The following NBPF11 variants were observed in gnomAD, a reference collection of about 807,000 sequenced individuals.
NBPF11 encodes NBPF member 11.
In NBPF11, 72 loss-of-function variants were observed where a neutral mutation model predicts 93.9. That is an observed-to-expected ratio of 0.77 (90% CI 0.63 to 0.93). NBPF11 has a LOEUF of 0.93. NBPF11 is among the 40% of genes least tolerant of loss of function. NBPF11 has a pLI of 0.00. For synonymous variants in NBPF11, 224 were observed against 304.9 expected, an observed-to-expected ratio of 0.73 and a Z score of 2.76; for missense variants, 705 against 802.2, an observed-to-expected ratio of 0.88 and a Z score of 1.46.
rs1330605689 is a variant in NBPF11 at position 148,149,813 on chromosome 1, G to A, written c.-549+1937C>T. 1.7e-3 allele frequency among the ~76,000 whole-genome samples: 261 copies of A among 151,630 alleles called. 3 individuals carry two copies. The highest frequency in any genetic ancestry group is 6.1e-3 in the African/African-American group (250 of 41,198). ...TAAAAAAAAAAAAAAGATTTAACAG[G>A]CACTTCATAAAAGAGGACATATAAA... On this transcript the variant is annotated intron_variant, in intron 1 of 23. Transcript: ENST00000682118.
intron 1 of NBPF11, among the ~76,000 whole-genome samples, chr1:148,145,201 C>CTT (rs1190949525): frequency 2.1e-3 from 155 of 75,574 alleles, no homozygotes; most frequent in East Asian, 0.016. Flanking sequence ...TTTTTTCTTT[C>CTT]TTTTTTTTTT....
At chr1:148,118,868 T>G in intron 10 of NBPF11, 146 bp from the exon 11 acceptor site, 2 of 727,628 alleles carry the variant, frequency 2.7e-6, no homozygotes, top group Non-Finnish European at 2.3e-6. Context: ...GTCTTTACTC[T>G]TCAGTCTCCT....
intron 5 of NBPF11, among the ~76,000 whole-genome samples, chr1:148,125,856 G>T (rs1420332112): frequency 2.6e-5 from 4 of 151,940 alleles, no homozygotes; most frequent in Non-Finnish European, 4.4e-5. Flanking sequence ...GAGGGTCCCT[G>T]CTTTGCACAC....
rs1220515332 is a variant in NBPF11, at chr1:148,122,588, T to G, written c.566+141A>C. Reference sequence around the variant, plus strand: ...GAAACACAACAGCTGCCGCACCCTGTGTCTAAGCTGGGTTGAATTTCACAT... The same window carrying G: ...GAAACACAACAGCTGCCGCACCCTGGGTCTAAGCTGGGTTGAATTTCACAT... On this transcript the variant is annotated intron_variant, in intron 8 of 23. Coordinates refer to ENST00000682118, the MANE Select transcript of NBPF11 (RefSeq NM_001385469.3). The G allele has an allele frequency of 3.3e-5, 42 of 1,256,478 alleles. No individual in the cohort carries two copies. The East Asian group carries it at 9.8e-4, about 29-fold the overall frequency. The allele number at this position is 1,256,478 out of a possible 1,614,324, so 77.8% of individuals were successfully genotyped here. A position where few individuals can be genotyped will look rare whatever the true frequency, so the allele number is the denominator to read the frequency against.
At chr1:148,148,274 G>A (rs1233745796) in intron 1 of NBPF11, among the ~76,000 whole-genome samples, 1 of 152,254 alleles carries the variant, frequency 6.6e-6, no homozygotes, top group Non-Finnish European at 1.5e-5. Context: ...CCAGGCAGAG[G>A]GGACGCACAC....
chr1:148,108,820 G>T, intron 17 of NBPF11, among the ~76,000 whole-genome samples, 166 bp from the exon 18 acceptor site: 1 of 135,824 alleles, frequency 7.4e-6, no homozygotes, highest in Non-Finnish European at 1.6e-5. Flanking sequence ...CTAGGGCCAG[G>T]TAGAAAAGGA....
intron 4 of NBPF11, among the ~76,000 whole-genome samples, chr1:148,129,216 GAATA>G (rs1324737282): frequency 3.6e-5 from 5 of 140,802 alleles, no homozygotes; most frequent in Non-Finnish European, 7.6e-5. Context: ...ATACACACAC[GAATA>G]TATATTATAT....
intron 11 of NBPF11, among the ~76,000 whole-genome samples, 166 bp from the exon 12 acceptor site, chr1:148,117,952 T>C (rs1388943911): frequency 6.6e-6 from 1 of 150,828 alleles, no homozygotes; most frequent in Non-Finnish European, 1.5e-5. Flanking sequence ...TAGAAAATGG[T>C]TTACAGGCTT....
In NBPF11 at chr1:148,124,024, G is replaced by T. The variant is rs1157353040; in HGVS notation, c.322C>A (p.Gln108Lys). ...LVHSQERELT[Q>K]LREKLREGRD... ...CCTTCCCGTAACTTCTCCCTTAACT[G>T]GGTCAGCTCTCGTTCCTGAGAGTGA... Residue 108 changes from glutamine to lysine, a missense_variant, in exon 7 of 24, where the codon CAG (glutamine) becomes AAG (lysine). Around this residue, in one of 12 missense-constraint regions of NBPF11, gnomAD observed 128 missense variants for 112.8 expected, o/e 1.14. Transcript: ENST00000682118. 8.2e-6 allele frequency: 13 copies of T among 1,582,346 alleles called. No homozygotes were observed. In the East Asian group the frequency reaches 2.7e-4, roughly 33 times the overall value.
chr1:148,134,802 C>G (rs1438691127), intron 4 of NBPF11, among the ~76,000 whole-genome samples: 21 of 151,994 alleles, frequency 1.4e-4, no homozygotes, highest in African/African-American at 5.1e-4. Flanking sequence ...AGGGACGATG[C>G]AAGAGAATAG....
At chr1:148,106,109 C>T (rs1321989994) in intron 21 of NBPF11, 72 bp downstream of exon 21, 7,300 of 617,266 alleles carry the variant, frequency 0.012, 348 homozygotes, top group African/African-American at 0.099. Flanking sequence ...AATGTCAGCC[C>T]GCTCTGTTTT....
intron 5 of NBPF11, among the ~76,000 whole-genome samples, chr1:148,125,269 C>T (rs1257594841): frequency 5.3e-5 from 8 of 152,008 alleles, no homozygotes; most frequent in Admixed American, 2.6e-4. Flanking sequence ...AGTCAGAACT[C>T]ACAGCCCCTG....
intron 9 of NBPF11, among the ~76,000 whole-genome samples, chr1:148,121,068 G>A (rs1353264081): frequency 0.025 from 3,806 of 151,564 alleles, 197 homozygotes; most frequent in African/African-American, 0.086. Context: ...TGTTTGAGAC[G>A]GAGTCTCACT....
intron 4 of NBPF11, among the ~76,000 whole-genome samples, chr1:148,133,869 CTAAT>C (rs1287832577): frequency 6.6e-6 from 1 of 150,852 alleles, no homozygotes; most frequent in Non-Finnish European, 1.5e-5. Context: ...TAGAGCTTTT[CTAAT>C]TATTACATAA....
rs1350424964 is a variant in NBPF11, at chr1:148,105,330, T to A, written c.2472+30A>T. 601 of 753,908 alleles carry A rather than the reference T, an allele frequency of 8.0e-4. 24 individuals are homozygous for A. In the East Asian group the frequency reaches 0.013, roughly 16 times the overall value. 46.7% of individuals were successfully genotyped at this position (753,908 alleles called of 1,614,324 possible). The stretch of plus-strand genomic sequence containing the variant: ...ATCTTTATATGGAAGACTCAGTGGA[T>A]CCTTATCACCTTCATAGAAAGGTAC... On this transcript the variant is annotated intron_variant, in intron 22 of 23. Coordinates refer to ENST00000682118, the MANE Select transcript of NBPF11 (RefSeq NM_001385469.3).
chr1:148,148,387 G>A (rs1482631095), intron 1 of NBPF11, among the ~76,000 whole-genome samples: 1 of 152,162 alleles, frequency 6.6e-6, no homozygotes, highest in Non-Finnish European at 1.5e-5. Context: ...GGTGGCAGGT[G>A]GGTCCCGCGT....
intron 23 of NBPF11, among the ~76,000 whole-genome samples, chr1:148,104,208 T>C (rs1182956843): frequency 4.9e-5 from 7 of 144,270 alleles, no homozygotes; most frequent in African/African-American, 1.6e-4. Context: ...CAAAGGACAC[T>C]CTGACTTAGT....
In NBPF11 at chr1:148,132,144, G is replaced by A. The variant is rs1163399071; in HGVS notation, c.-36+3528C>T. On this transcript the variant is annotated intron_variant, in intron 4 of 23. Transcript: ENST00000682118. Reference sequence around the variant, plus strand: ...CTGCAATATATATATGTGTGTGTGTGTATATATATATATATATATTCCCTA... The same window carrying A: ...CTGCAATATATATATGTGTGTGTGTATATATATATATATATATATTCCCTA... Among the ~76,000 whole-genome samples, 699 of 137,560 alleles carry A rather than the reference G, an allele frequency of 5.1e-3. 2 individuals carry two copies. Among genetic ancestry groups the A allele is most frequent in the African/African-American group, 0.018 (678 of 36,740 alleles). The allele number at this position is 137,560 out of a possible 152,430, so 90.2% of individuals were successfully genotyped here.
chr1:148,125,110 T>C lies in NBPF11; in HGVS notation c.176-109A>G, dbSNP rs1459909712. ...ATCCCAAGGACAAAACTCTCCCCAG[T>C]ACCAGGGTCTAGACAGGGATTTCCA... On this transcript the variant is annotated intron_variant, in intron 5 of 23. Transcript: ENST00000682118. 1.0e-5 allele frequency: 8 copies of C among 775,166 alleles called. No homozygotes were observed. In the African/African-American group the frequency reaches 1.4e-4, roughly 13 times the overall value. The allele number at this position is 775,166 out of a possible 1,614,324, so 48.0% of individuals were successfully genotyped here.
Sources: allele counts gnomAD v4.1 joint callset (sites outside exome capture counted in the v4.1 genomes callset), GRCh38; gene constraint gnomAD v4.1.1; regional missense constraint gnomAD v4.1.1; transcripts MANE v1.5; gene names NCBI Gene and HGNC (gene_info 2026-07-23, HGNC 2026-07-21).